The following CMTR1 variants were observed in gnomAD, a reference collection of about 807,000 sequenced individuals.
CMTR1 encodes cap-specific mRNA (nucleoside-2'-O-)-methyltransferase 1.
CMTR1 carries 39 observed loss-of-function variants against 107.0 expected under a neutral mutation model. The observed-to-expected ratio is 0.36, with a 90% CI of 0.28 to 0.48. CMTR1 has a LOEUF of 0.48. CMTR1 is among the 20% of genes least tolerant of loss of function. The probability of loss-of-function intolerance (pLI) is 0.99; values close to 1 mark genes in which losing one functional copy is unlikely to be tolerated. For synonymous variants in CMTR1, 366 were observed against 379.5 expected (o/e 0.96, Z 0.41); for missense variants, 672 against 1,064.9 (o/e 0.63, Z 5.14).
intron 1 of CMTR1, among the ~76,000 whole-genome samples, chr6:37,433,865 C>A (rs1439480109): frequency 6.6e-6 from 1 of 152,162 alleles, no homozygotes; most frequent in Admixed American, 6.5e-5. Flanking sequence ...GCAGTCTTTT[C>A]CCGTGGAAGA....
rs1394839574 is a variant in CMTR1 at position 37,475,477 on chromosome 6, C to A, written c.2036+65C>A. On this transcript the variant is annotated intron_variant, in intron 19 of 23. Transcript: ENST00000373451. ...CCAGGGCAGCTTGGGAGGACAGCGG[C>A]CTCCCGAGGTGTGGCCCCTTATCTA... is the stretch of plus-strand genomic sequence containing the variant. 3.6e-6 allele frequency: 5 copies of A among 1,403,156 alleles called. No homozygotes were observed. The African/African-American group carries it at 5.6e-5, about 16-fold the overall frequency. 86.9% of individuals were successfully genotyped at this position (1,403,156 alleles called of 1,614,324 possible). A position where few individuals can be genotyped will look rare whatever the true frequency, so the allele number is the denominator to read the frequency against.
chr6:37,428,695 T>C (rs1441556896), upstream of CMTR1, among the ~76,000 whole-genome samples: 1 of 152,184 alleles, frequency 6.6e-6, no homozygotes, highest in African/African-American at 2.4e-5. Context: ...CAACCTCAGG[T>C]AATCCACCTG....
chr6:37,459,750 T>C, intron 10 of CMTR1, 66 bp downstream of exon 10: 1 of 1,188,112 alleles, frequency 8.4e-7, no homozygotes, highest in Non-Finnish European at 1.3e-6. Context: ...TTGAGAATTG[T>C]TTGTTTTATC....
chr6:37,435,510 G>A, intron 1 of CMTR1, 114 bp from the exon 2 acceptor site: 4 of 1,114,128 alleles, frequency 3.6e-6, no homozygotes, highest in Non-Finnish European at 3.8e-6. Context: ...GGCACTGGAA[G>A]ATGTGTAGAA....
intron 5 of CMTR1, among the ~76,000 whole-genome samples, chr6:37,450,972 A>C (rs1761144774): frequency 6.6e-6 from 1 of 152,234 alleles, no homozygotes; most frequent in Non-Finnish European, 1.5e-5. Context: ...ATGAAAAAGC[A>C]AAGAGGAAAA....
chr6:37,476,748 G>A (rs1429878136), intron 20 of CMTR1, among the ~76,000 whole-genome samples: 1 of 152,224 alleles, frequency 6.6e-6, no homozygotes, highest in Non-Finnish European at 1.5e-5. Context: ...GAGGTCTGAG[G>A]TTATTGCCAA....
intron 5 of CMTR1, among the ~76,000 whole-genome samples, 187 bp from the exon 6 acceptor site, chr6:37,451,619 C>T (rs1221561067): frequency 6.6e-6 from 1 of 152,146 alleles, no homozygotes; most frequent in Admixed American, 6.5e-5. Context: ...TGCTTCATCT[C>T]ACAGCCATCT....
chr6:37,441,478 G>A (rs552093810), intron 2 of CMTR1, among the ~76,000 whole-genome samples: 1 of 150,920 alleles, frequency 6.6e-6, no homozygotes. Flanking sequence ...GCAATGGCTC[G>A]ATCTCGGCTC....
At position 37,471,830 on chromosome 6, in the gene CMTR1, T is replaced by G. The variant is rs1326519523; in HGVS notation, c.1563-17T>G. On this transcript the variant is annotated splice_polypyrimidine_tract_variant and intron_variant, in intron 14 of 23. Coordinates refer to ENST00000373451, the MANE Select transcript of CMTR1 (RefSeq NM_015050.3). ...CCTCTTAGAGATTTTAATCACTAAC[T>G]GGCTTCATATTCCCAGGACACTGAG... 1 of 1,613,606 alleles carries G rather than the reference T, an allele frequency of 6.2e-7. No individual in the cohort carries two copies. Among genetic ancestry groups the G allele is most frequent in the Non-Finnish European group, 8.5e-7 (1 of 1,179,682 alleles).
chr6:37,454,547 C>CT (rs1388287064), intron 8 of CMTR1, among the ~76,000 whole-genome samples: 1 of 152,174 alleles, frequency 6.6e-6, no homozygotes, highest in African/African-American at 2.4e-5. Flanking sequence ...GTCACAGTGT[C>CT]TTTTTTGGCT....
At chr6:37,451,930 G>A in intron 6 of CMTR1, 53 bp downstream of exon 6, 3 of 1,461,558 alleles carry the variant, frequency 2.1e-6, no homozygotes, top group Non-Finnish European at 2.9e-6. Flanking sequence ...GAGGTGATTT[G>A]CTGGACTTTT....
rs141208963 is a variant in CMTR1 at position 37,440,075 on chromosome 6, A to T, written c.134-3924A>T. Among the ~76,000 whole-genome samples, 8 of 152,320 alleles carry T rather than the reference A, an allele frequency of 5.3e-5. No homozygotes were observed. In the East Asian group the frequency reaches 1.5e-3, roughly 29 times the overall value. ...AATCTTTCTTCCTTGTAATGACTTA[A>T]TAGTGATTTCTATCAAGTGGAGAAG... On this transcript the variant is annotated intron_variant, in intron 2 of 23. Coordinates refer to ENST00000373451, the MANE Select transcript of CMTR1 (RefSeq NM_015050.3).
At position 37,459,408 on chromosome 6, in the gene CMTR1, G is replaced by A. The variant is rs150408851; in HGVS notation, c.977-158G>A. Among the ~76,000 whole-genome samples the A allele has an allele frequency of 8.4e-4, 128 of 152,358 alleles. 1 individual carries two copies. The highest frequency in any genetic ancestry group is 3.1e-3 in the African/African-American group (127 of 41,592). On this transcript the variant is annotated intron_variant, in intron 9 of 23. Coordinates refer to ENST00000373451, the MANE Select transcript of CMTR1 (RefSeq NM_015050.3). ...CTGTGTTTCATTATAGCAGAGTACT[G>A]TTGTTCCTCCTGGTCCATCACTGTA...
intron 8 of CMTR1, among the ~76,000 whole-genome samples, chr6:37,456,863 G>C (rs1761305572): frequency 6.6e-6 from 1 of 152,166 alleles, no homozygotes; most frequent in South Asian, 2.1e-4. Flanking sequence ...CCTAGCATTT[G>C]TGTAAGAGAA....
chr6:37,444,265 C>T (rs1771736509), intron 3 of CMTR1, 115 bp downstream of exon 3: 3 of 1,301,924 alleles, frequency 2.3e-6, no homozygotes, highest in Admixed American at 4.7e-5. Context: ...CTTTGCTTTT[C>T]AGCTACTGAA....
intron 13 of CMTR1, among the ~76,000 whole-genome samples, chr6:37,466,869 T>C (rs1168621332): frequency 3.3e-5 from 5 of 152,268 alleles, no homozygotes; most frequent in Admixed American, 3.3e-4. Flanking sequence ...GTTATAAATT[T>C]TCCTTTAAGG....
intron 17 of CMTR1, 128 bp from the exon 18 acceptor site, chr6:37,474,396 A>C (rs1331694393): frequency 9.3e-7 from 1 of 1,070,970 alleles, no homozygotes; most frequent in East Asian, 2.5e-5. Context: ...TCTCTCATAG[A>C]CATTTTCTTC....
intron 16 of CMTR1, among the ~76,000 whole-genome samples, chr6:37,473,235 CAG>C (rs1315258863): frequency 6.6e-6 from 1 of 152,064 alleles, no homozygotes; most frequent in Non-Finnish European, 1.5e-5. Flanking sequence ...CTTGGGGACT[CAG>C]TGTTCTTTCC....
Position 37,474,373 on chromosome 6 carries a change from A to T in CMTR1, c.1822-151A>T, listed in dbSNP as rs146783128. The T allele has an allele frequency of 7.7e-5, 66 of 862,448 alleles. No homozygotes were observed. In the African/African-American group the frequency reaches 9.7e-4, roughly 13 times the overall value. 53.4% of individuals were successfully genotyped at this position (862,448 alleles called of 1,614,324 possible). On this transcript the variant is annotated intron_variant, in intron 17 of 23. Coordinates refer to ENST00000373451, the MANE Select transcript of CMTR1 (RefSeq NM_015050.3). ...ACACTACTATCATTATCACTAAAGT[A>T]TAATGGATTTAATCTCTCATAGACA...
Sources: gnomAD v4.1 joint callset for allele counts (sites outside exome capture counted in the v4.1 genomes callset) on GRCh38, gnomAD v4.1.1 for gene constraint, MANE v1.5 for transcripts, NCBI Gene and HGNC (gene_info 2026-07-23, HGNC 2026-07-21) for gene names.